The following NME9 variants were observed in gnomAD, a reference collection of about 807,000 sequenced individuals.
NME9 encodes NME/NM23 family member 9.
In NME9, 48 loss-of-function variants were observed where a neutral mutation model predicts 44.4. That is an observed-to-expected ratio of 1.08 (90% CI 0.86 to 1.37). The LOEUF (loss-of-function observed/expected upper bound fraction) is 1.37. Ranked by LOEUF, NME9 falls within the 40% of genes most tolerant of loss-of-function variation. NME9 has a pLI of 0.00. For missense variants in NME9, 325 were observed against 405.2 expected, an observed-to-expected ratio of 0.80 and a Z score of 1.70; for synonymous variants, 139 against 147.1, an observed-to-expected ratio of 0.94 and a Z score of 0.40.
chr3:138,319,409 CCTGA>C (rs2053316718), intron 3 of NME9, 65 bp downstream of exon 3: 2 of 909,058 alleles, frequency 2.2e-6, no homozygotes, highest in Admixed American at 1.9e-5. Context: ...ACTTCTCCTT[CCTGA>C]CTCTTTTAAA....
At chr3:138,270,116 G>T in intron 8 of NME9, 1 of 1,611,748 alleles carries the variant, frequency 6.2e-7, no homozygotes, top group Non-Finnish European at 8.5e-7. Context: ...CGAGTGAATG[G>T]AATTTGGGCT....
intron 2 of NME9, 138 bp from the exon 3 acceptor site, chr3:138,319,719 T>C: frequency 1.6e-6 from 1 of 618,246 alleles, no homozygotes. Context: ...AGGGATTTAC[T>C]ATCCCATGAG....
chr3:138,272,040 T>C (rs2048853191), intron 8 of NME9, among the ~76,000 whole-genome samples: 2 of 152,224 alleles, frequency 1.3e-5, no homozygotes, highest in African/African-American at 4.8e-5. Flanking sequence ...TCTTCAGACA[T>C]GTATAGCTTG....
At chr3:138,305,891 C>A in intron 8 of NME9, 113 bp downstream of exon 8, 1 of 749,198 alleles carries the variant, frequency 1.3e-6, no homozygotes. Context: ...CTTGCTGTTC[C>A]TATTTTGGTT....
rs7637162 is a variant in NME9 at position 138,301,433 on chromosome 3, A to G, written c.*207T>C. On this transcript the variant is annotated 3_prime_UTR_variant, in exon 11 of 11. Coordinates refer to ENST00000333911, the MANE Select transcript of NME9 (RefSeq NM_001349018.2). ...TTGGCTAGGCTGGTGTCAAACTCCT[A>G]ATCTCAGGTGATCCACCTGCCTCGG... is the stretch of plus-strand genomic sequence containing the variant. 740,355 of 974,624 alleles carry G rather than the reference A, an allele frequency of 0.76. 282,595 individuals carry two copies. Among genetic ancestry groups the G allele is most frequent in the East Asian group, 0.88 (26,565 of 30,104 alleles). The allele number at this position is 974,624 out of a possible 1,614,324, so 60.4% of individuals were successfully genotyped here. A position where few individuals can be genotyped will look rare whatever the true frequency, so the allele number is the denominator to read the frequency against.
Position 138,318,250 on chromosome 3 carries a change from G to C in NME9, c.196-31C>G, listed in dbSNP as rs1333455121. The C allele has an allele frequency of 2.1e-6, 3 of 1,442,868 alleles. No individual in the cohort carries two copies. In the Admixed American group the frequency reaches 5.0e-5, roughly 24 times the overall value. The allele number at this position is 1,442,868 out of a possible 1,614,324, so 89.4% of individuals were successfully genotyped here. A position where few individuals can be genotyped will look rare whatever the true frequency, so the allele number is the denominator to read the frequency against. ...GAAAGCCACTATCAGCAGGTACCCT[G>C]GATGCAGGGGGTGCAGGGCCCAATT... On this transcript the variant is annotated intron_variant, in intron 3 of 10. Transcript: ENST00000333911.
chr3:138,318,086 T>G, intron 4 of NME9, 62 bp downstream of exon 4: 1 of 1,028,236 alleles, frequency 9.7e-7, no homozygotes, highest in East Asian at 2.4e-5. Flanking sequence ...GTGAGATGCT[T>G]CTATTTTGAA....
intron 5 of NME9, among the ~76,000 whole-genome samples, 192 bp downstream of exon 5, chr3:138,315,335 C>G (rs1382840945): frequency 6.6e-6 from 1 of 152,140 alleles, no homozygotes; most frequent in African/African-American, 2.4e-5. Context: ...AAAGAGATGG[C>G]TTTTATAAGA....
chr3:138,310,820 A>G (rs991996372), intron 6 of NME9, among the ~76,000 whole-genome samples: 1 of 152,192 alleles, frequency 6.6e-6, no homozygotes, highest in Non-Finnish European at 1.5e-5. Context: ...AAAACGTAGG[A>G]AGACTTCAAA....
At chr3:138,268,893 A>G (rs1407300372) in intron 8 of NME9, among the ~76,000 whole-genome samples, 3 of 152,240 alleles carry the variant, frequency 2.0e-5, no homozygotes, top group Non-Finnish European at 2.9e-5. Flanking sequence ...AGATTTGATT[A>G]AAGTATTATT....
At chr3:138,273,703 T>C (rs1345865936) in intron 8 of NME9, among the ~76,000 whole-genome samples, 2 of 152,228 alleles carry the variant, frequency 1.3e-5, no homozygotes, top group Admixed American at 1.3e-4. Flanking sequence ...TTCCCTTCTC[T>C]GTGCCCCACA....
chr3:138,299,282 C>T (rs771397045), downstream of NME9, among the ~76,000 whole-genome samples: 20 of 152,136 alleles, frequency 1.3e-4, no homozygotes, highest in Non-Finnish European at 2.6e-4. Context: ...TCTGCAGCCC[C>T]TGGCTCCTGG....
At chr3:138,323,984 T>C (rs1004894919) in intron 2 of NME9, among the ~76,000 whole-genome samples, 68 of 152,136 alleles carry the variant, frequency 4.5e-4, no homozygotes, top group African/African-American at 1.5e-3. Context: ...GAGCAGAGTA[T>C]GGCAAAAGCA....
At chr3:138,263,887 C>A in intron 8 of NME9, 1 of 1,367,732 alleles carries the variant, frequency 7.3e-7, no homozygotes, top group Non-Finnish European at 1.0e-6. Context: ...CCTTTCTGGT[C>A]CTTCACTGAG....
chr3:138,322,005 A>T (rs1253917427), intron 2 of NME9, among the ~76,000 whole-genome samples: 1 of 151,982 alleles, frequency 6.6e-6, no homozygotes, highest in African/African-American at 2.4e-5. Flanking sequence ...TGGGTTCCAC[A>T]GCATCCACGT....
At chr3:138,262,400 G>T in exon 9 of NME9, 1 of 960,958 alleles carries the variant, frequency 1.0e-6, no homozygotes, top group Non-Finnish European at 1.5e-6. Flanking sequence ...CTAAAATGTG[G>T]TTCCCTGTTC....
intron 8 of NME9, chr3:138,267,374 C>T (rs534407516): frequency 6.3e-5 from 33 of 520,464 alleles, no homozygotes; most frequent in South Asian, 1.9e-4. Context: ...GATTGCATAG[C>T]GGTAGGGGTG....
intron 6 of NME9, among the ~76,000 whole-genome samples, chr3:138,309,818 G>A (rs1465727964): frequency 2.6e-5 from 4 of 151,818 alleles, no homozygotes; most frequent in South Asian, 2.1e-4. Flanking sequence ...ACCTGAGGTC[G>A]GGAGTTCCAG....
intron 6 of NME9, among the ~76,000 whole-genome samples, chr3:138,310,812 A>G (rs2052648673): frequency 6.6e-6 from 1 of 152,190 alleles, no homozygotes; most frequent in African/African-American, 2.4e-5. Context: ...TACATCAAAA[A>G]ACGTAGGAAG....
Sources: allele counts gnomAD v4.1 joint callset (sites outside exome capture counted in the v4.1 genomes callset), GRCh38; gene constraint gnomAD v4.1.1; transcripts MANE v1.5; gene names NCBI Gene and HGNC (gene_info 2026-07-23, HGNC 2026-07-21).